The following C16orf96 variants were observed in gnomAD, a reference collection of about 807,000 sequenced individuals.
The protein encoded by C16orf96 is uncharacterized protein C16orf96.
A neutral mutation model predicts 103.6 loss-of-function variants in C16orf96; 108 were observed. The ratio of observed to expected loss-of-function variants is 1.04; its 90% confidence interval spans 0.89 to 1.22. C16orf96 has a LOEUF of 1.22. C16orf96 is among the 50% of genes most tolerant of loss of function. The pLI, the probability that C16orf96 is intolerant of heterozygous loss-of-function variation, is 0.00. For synonymous variants in C16orf96, 566 were observed against 593.5 expected (o/e 0.95, Z 0.67); for missense variants, 1,586 against 1,464.2 (o/e 1.08, Z -1.36).
At chr16:4,567,974 A>G (rs2430661) in intron 1 of C16orf96, among the ~76,000 whole-genome samples, 145,795 of 152,158 alleles carry the variant, frequency 0.96, 70,143 homozygotes, top group East Asian at 1. Flanking sequence ...GGGATTACAG[A>G]TGTGAGCCAC....
chr16:4,565,727 G>C (rs1372964094), intron 1 of C16orf96, among the ~76,000 whole-genome samples: 2 of 152,172 alleles, frequency 1.3e-5, no homozygotes, highest in East Asian at 3.8e-4. Flanking sequence ...GACCTCAGGT[G>C]ATCTGCCCAC....
chr16:4,599,696 C>T (rs772879769), intron 15 of C16orf96, among the ~76,000 whole-genome samples: 4 of 152,238 alleles, frequency 2.6e-5, no homozygotes, highest in Non-Finnish European at 5.9e-5. Flanking sequence ...CAGTTTCTCC[C>T]TTATCTCATC....
chr16:4,600,165 C>T lies in C16orf96; in HGVS notation c.3274C>T (p.Pro1092Ser). The T allele has an allele frequency of 1.6e-5, 25 of 1,551,660 alleles. No individual in the cohort carries two copies. Among genetic ancestry groups the T allele is most frequent in the Non-Finnish European group, 2.1e-5 (24 of 1,146,994 alleles). ...SGPHLTMPARPPSLPPLLLLP... is the reference protein window; with the variant it reads ...SGPHLTMPARSPSLPPLLLLP... The stretch of plus-strand genomic sequence containing the variant: ...CCCTCACCTGACGATGCCAGCTCGA[C>T]CACCTTCCCTGCCACCTCTGCTGCT... Residue 1092 changes from proline to serine, a missense_variant, in exon 16 of 16, where the codon CCA becomes TCA. By Grantham distance (74) the Pro-to-Ser change is moderately conservative. Transcript: ENST00000444310.
Position 4,599,357 on chromosome 16 carries a change from C to G in C16orf96, c.3201C>G (p.Ile1067Met), listed in dbSNP as rs1897238716. Residue 1067 changes from isoleucine to methionine, a missense_variant, in exon 15 of 16, where the codon ATC becomes ATG. Ile to Met is a conservative substitution (Grantham distance 10). Coordinates refer to ENST00000444310, the MANE Select transcript of C16orf96 (RefSeq NM_001145011.2). The stretch of plus-strand genomic sequence containing the variant: ...ACTCCAGTGCCCTATTTGGCGCCAT[C>G]TGCCCCCGTGAGTACCTGGTTCCCA... Reference protein sequence around the residue: ...RVHSSALFGAICPPLCPRSSA... With the variant: ...RVHSSALFGAMCPPLCPRSSA... 1 of 1,551,576 alleles carries G rather than the reference C, an allele frequency of 6.4e-7. No individual in the cohort carries two copies. Among genetic ancestry groups the G allele is most frequent in the Non-Finnish European group, 8.7e-7 (1 of 1,146,848 alleles).
upstream of C16orf96, among the ~76,000 whole-genome samples, chr16:4,555,347 G>A (rs532555747): frequency 1.3e-4 from 19 of 151,478 alleles, no homozygotes; most frequent in African/African-American, 4.1e-4. Flanking sequence ...CTTTGGATGC[G>A]TCCAGAAATG....
At chr16:4,587,160 G>A in intron 8 of C16orf96, 47 bp downstream of exon 8, 1 of 1,494,098 alleles carries the variant, frequency 6.7e-7, no homozygotes, top group Non-Finnish European at 9.1e-7. Flanking sequence ...CCTACCCAGG[G>A]AAACGGCACC....
intron 2 of C16orf96, among the ~76,000 whole-genome samples, chr16:4,574,078 C>A (rs964681598): frequency 7.2e-5 from 11 of 152,152 alleles, no homozygotes; most frequent in Admixed American, 2.0e-4. Flanking sequence ...CATGATCCAC[C>A]CGCCTCAGCA....
Position 4,559,781 on chromosome 16 carries a change from AACC to A in C16orf96, c.420+2875_420+2877del, listed in dbSNP as rs1219682810. Among the ~76,000 whole-genome samples the A allele has an allele frequency of 5.3e-5, 8 of 152,260 alleles. No homozygotes were observed. In the East Asian group the frequency reaches 1.5e-3, roughly 29 times the overall value. On this transcript the variant is annotated intron_variant, in intron 1 of 15. Transcript: ENST00000444310. ...ACTTCTCCTCCCTGCAACCCCTGACAACCACTAATCTGCTTTCTGTCTTACGGA... is the reference window on the plus strand; with the variant it reads ...ACTTCTCCTCCCTGCAACCCCTGACAACTAATCTGCTTTCTGTCTTACGGA...
chr16:4,540,730 A>G, the C16orf96 span, among the ~76,000 whole-genome samples: 3 of 151,938 alleles, frequency 2.0e-5, no homozygotes, highest in African/African-American at 4.8e-5. Flanking sequence ...CTCTCAAAAT[A>G]AAATAAAACT....
chr16:4,556,521 CCAA>C lies in C16orf96; in HGVS notation c.35_37del (p.Asn12del). 1 of 1,539,480 alleles carries C rather than the reference CCAA, an allele frequency of 6.5e-7. No homozygotes were observed. The highest frequency in any genetic ancestry group is 8.8e-7 in the Non-Finnish European group (1 of 1,137,686). ...TTCTCACTCACGTTCACCGAGCTGG[CCAA>C]CATCGCCATCCCACAGTGCGGGGTG... On this transcript the variant is annotated inframe_deletion, in exon 1 of 16. Transcript: ENST00000444310.
the C16orf96 span, among the ~76,000 whole-genome samples, chr16:4,545,918 C>T: frequency 6.6e-6 from 1 of 151,848 alleles, no homozygotes; most frequent in Non-Finnish European, 1.5e-5. Context: ...GGCGCGATCT[C>T]AGCTCACCAC....
chr16:4,563,761 G>A (rs924753710), intron 1 of C16orf96, among the ~76,000 whole-genome samples: 3 of 150,702 alleles, frequency 2.0e-5, no homozygotes, highest in African/African-American at 7.3e-5. Flanking sequence ...TAGAGACGGG[G>A]TTTCACCATG....
chr16:4,571,092 A>C (rs925898547), intron 1 of C16orf96, among the ~76,000 whole-genome samples: 1 of 152,170 alleles, frequency 6.6e-6, no homozygotes. Flanking sequence ...AGGTTGAGGC[A>C]GGAGAATCAC....
intron 9 of C16orf96, among the ~76,000 whole-genome samples, chr16:4,589,988 T>C (rs1897020153): frequency 6.6e-6 from 1 of 151,872 alleles, no homozygotes; most frequent in Admixed American, 6.6e-5. Flanking sequence ...TAGCCAGGCC[T>C]GGTGGCGGGC....
chr16:4,572,059 A>G (rs1342272233), intron 2 of C16orf96, among the ~76,000 whole-genome samples: 1 of 151,640 alleles, frequency 6.6e-6, no homozygotes, highest in Non-Finnish European at 1.5e-5. Context: ...CTTGTTGGCC[A>G]GGCTGGTCTC....
At chr16:4,543,687 G>T in the C16orf96 span, among the ~76,000 whole-genome samples, 5 of 151,362 alleles carry the variant, frequency 3.3e-5, no homozygotes. Flanking sequence ...TTTTATTTTG[G>T]GACAGAGATT....
chr16:4,594,843 G>T (rs987666156), intron 14 of C16orf96, 40 bp downstream of exon 14: 15 of 1,540,142 alleles, frequency 9.7e-6, no homozygotes, highest in Non-Finnish European at 1.2e-5. Flanking sequence ...CTTGCCTGGG[G>T]CCCTGGTTCT....
At chr16:4,564,319 C>T (rs570277114) in intron 1 of C16orf96, among the ~76,000 whole-genome samples, 13 of 152,258 alleles carry the variant, frequency 8.5e-5, no homozygotes, top group South Asian at 2.1e-4. Flanking sequence ...GATATGTGCA[C>T]GCAGCTTCTG....
chr16:4,577,308 G>A (rs185544907), intron 5 of C16orf96, among the ~76,000 whole-genome samples: 9 of 152,318 alleles, frequency 5.9e-5, no homozygotes, highest in Admixed American at 5.9e-4. Flanking sequence ...AAGGCAGGAA[G>A]ACTGCTTGAA....
Sources: gnomAD v4.1 joint callset for allele counts (sites outside exome capture counted in the v4.1 genomes callset) on GRCh38, gnomAD v4.1.1 for gene constraint, MANE v1.5 for transcripts, NCBI Gene and HGNC (gene_info 2026-07-23, HGNC 2026-07-21) for gene names.